Variants in SLC1A6 observed in about 807,000 individuals in gnomAD.
The protein encoded by SLC1A6 is excitatory amino acid transporter 4.
Under a neutral mutation model 42.1 loss-of-function variants are expected in SLC1A6, and 15 were observed. That is an observed-to-expected ratio of 0.36 (90% CI 0.24 to 0.55). The LOEUF is 0.55. Among genes scored for constraint, SLC1A6 ranks in the 20% least tolerant of loss-of-function variants. The probability of loss-of-function intolerance (pLI) is 0.88; values close to 1 mark genes in which losing one functional copy is unlikely to be tolerated. For missense variants in SLC1A6, 542 were observed against 772.5 expected, an observed-to-expected ratio of 0.70 and a Z score of 3.54; for synonymous variants, 317 against 319.7, an observed-to-expected ratio of 0.99 and a Z score of 0.09.
Position 14,991,163 on chromosome 19 carries a change from G to C in SLC1A6, c.7-18246C>G, listed in dbSNP as rs568190568. Among the ~76,000 whole-genome samples, 4 of 152,284 alleles carry C rather than the reference G, an allele frequency of 2.6e-5. No individual in the cohort carries two copies. In the East Asian group the frequency reaches 7.7e-4, roughly 29 times the overall value. On this transcript the variant is annotated intron_variant, in intron 1 of 8. Coordinates refer to the SLC1A6 transcript ENST00000430939. ...TATTTATATGAAATGTCCAGAATAG[G>C]CAAATCCTATCCTAGATTTGGAAAG... is the stretch of plus-strand genomic sequence containing the variant.
chr19:15,008,029 CCCA>C (rs202002604), intron 1 of SLC1A6, among the ~76,000 whole-genome samples: 10,265 of 135,906 alleles, frequency 0.076, 463 homozygotes, highest in Non-Finnish European at 0.11. Context: ...CTGCCCCCCC[CCCA>C]AAAAAAAACC....
chr19:14,973,339 G>A, intron 1 of SLC1A6: 1 of 165,996 alleles, frequency 6.0e-6, no homozygotes, highest in Non-Finnish European at 1.3e-5. Context: ...AGGATCGCTT[G>A]AGCCCAGAAG....
chr19:15,007,831 C>T (rs981996823), intron 1 of SLC1A6, among the ~76,000 whole-genome samples: 3 of 152,072 alleles, frequency 2.0e-5, no homozygotes, highest in Non-Finnish European at 2.9e-5. Context: ...TTGAGACCAG[C>T]CTGGCTAACA....
At chr19:14,985,183 A>G (rs370097518) in intron 1 of SLC1A6, among the ~76,000 whole-genome samples, 1 of 152,206 alleles carries the variant, frequency 6.6e-6, no homozygotes, top group African/African-American at 2.4e-5. Flanking sequence ...AAATTTTATC[A>G]TTGACAATAA....
chr19:14,955,086 G>C (rs950542459), intron 7 of SLC1A6, among the ~76,000 whole-genome samples: 2 of 152,026 alleles, frequency 1.3e-5, no homozygotes, highest in African/African-American at 4.8e-5. Context: ...ATCTCATTTG[G>C]GGTAAGTCTG....
intron 1 of SLC1A6, among the ~76,000 whole-genome samples, chr19:14,998,923 G>C (rs1168864280): frequency 6.6e-6 from 1 of 150,698 alleles, no homozygotes; most frequent in African/African-American, 2.4e-5. Context: ...TGTCACCCAG[G>C]CTGGAGTGCA....
rs148368814 is a variant in SLC1A6 at position 14,962,163 on chromosome 19, G to A, written c.774C>T (p.Pro258=). Reference sequence around the variant, plus strand: ...TGATGCCATTGGCGGAGCCAGGCACGGGTACAGTCTCCTCAAAGCTCAGCA... The same window carrying A: ...TGATGCCATTGGCGGAGCCAGGCACAGGTACAGTCTCCTCAAAGCTCAGCA... The part of the protein sequence containing the change: ...QEMLSFEETV[P]VPGSANGINA... Residue 258 remains proline (P), a synonymous_variant, in exon 6 of 10, where the codon CCC becomes CCT. Coordinates refer to ENST00000594383, the MANE Select transcript of SLC1A6 (RefSeq NM_005071.3). 16 of 1,614,170 alleles carry A rather than the reference G, an allele frequency of 9.9e-6. No individual in the cohort carries two copies. Among genetic ancestry groups the A allele is most frequent in the Admixed American group, 3.3e-5 (2 of 60,020 alleles).
At chr19:14,975,870 G>GAAAGGTAAGGGGAC (rs2045702726) in intron 1 of SLC1A6, among the ~76,000 whole-genome samples, 1 of 50,870 alleles carries the variant, frequency 2.0e-5, no homozygotes, top group Non-Finnish European at 3.9e-5. Context: ...GGAAGGGAAG[G>GAAAGGTAAGGGGAC]AAAGGGAAGG....
At chr19:14,981,385 C>T (rs1054013509), upstream of SLC1A6, among the ~76,000 whole-genome samples, 2 of 152,134 alleles carry the variant, frequency 1.3e-5, no homozygotes, top group Non-Finnish European at 2.9e-5. Context: ...GGGACCCAGG[C>T]ATCAGTATAT....
At chr19:14,973,222 TCCCAGCC>T in intron 1 of SLC1A6, 1 of 342,172 alleles carries the variant, frequency 2.9e-6, no homozygotes, top group Non-Finnish European at 5.3e-6. Flanking sequence ...TCTATGATCT[TCCCAGCC>T]TGAGCAAGAT....
chr19:15,010,349 T>C (rs1167459104), intron 1 of SLC1A6: 2 of 330,254 alleles, frequency 6.1e-6, no homozygotes, highest in South Asian at 2.3e-5. Flanking sequence ...GTATTCTACC[T>C]GTGGGAACAG....
intron 3 of SLC1A6, among the ~76,000 whole-genome samples, chr19:14,971,039 G>A (rs1318987352): frequency 6.6e-6 from 1 of 151,882 alleles, no homozygotes; most frequent in African/African-American, 2.4e-5. Context: ...CTGAAGTGGA[G>A]GAATTGCTTG....
At chr19:14,964,688 A>G (rs1036688545) in intron 4 of SLC1A6, among the ~76,000 whole-genome samples, 11 of 152,186 alleles carry the variant, frequency 7.2e-5, no homozygotes, top group African/African-American at 2.7e-4. Context: ...AGAGCCCTAC[A>G]TCACCTCAAG....
chr19:14,972,602 G>A (rs986225022), intron 2 of SLC1A6, 104 bp downstream of exon 2: 1 of 902,416 alleles, frequency 1.1e-6, no homozygotes, highest in South Asian at 1.6e-5. Flanking sequence ...CGTGTGTGCA[G>A]GTGAGAATGA....
chr19:14,957,171 C>T (rs1472313628), intron 6 of SLC1A6, among the ~76,000 whole-genome samples: 1 of 152,174 alleles, frequency 6.6e-6, no homozygotes, highest in East Asian at 1.9e-4. Context: ...CCTATCAGTG[C>T]CTGTTATCAC....
In SLC1A6 at chr19:14,964,830, G is replaced by A. The variant is rs569126081; in HGVS notation, c.549-469C>T. ...CCATGGCTAGCCTTGATTCTGTGTG[G>A]CAAAAATCTTGCTGCTTTAATTAAA... On this transcript the variant is annotated intron_variant, in intron 4 of 9. Transcript: ENST00000594383. Among the ~76,000 whole-genome samples, 8 of 152,172 alleles carry A rather than the reference G, an allele frequency of 5.3e-5. No homozygotes were observed. The South Asian group carries it at 1.7e-3, about 32-fold the overall frequency.
At chr19:14,975,606 T>C (rs1203047548) in intron 1 of SLC1A6, among the ~76,000 whole-genome samples, 1 of 151,500 alleles carries the variant, frequency 6.6e-6, no homozygotes, top group Non-Finnish European at 1.5e-5. Context: ...AATACAAAAA[T>C]TAGCTGGATG....
chr19:14,965,772 C>T (rs933775908), intron 4 of SLC1A6, among the ~76,000 whole-genome samples: 3 of 151,542 alleles, frequency 2.0e-5, no homozygotes, highest in Non-Finnish European at 4.4e-5. Flanking sequence ...ATCGCTTGAA[C>T]CCGAAAGGCA....
chr19:14,996,589 T>TTCTTCTTCTTCTTC (rs2045848840), intron 1 of SLC1A6, among the ~76,000 whole-genome samples: 1 of 142,168 alleles, frequency 7.0e-6, no homozygotes, highest in Non-Finnish European at 1.6e-5. Flanking sequence ...CTTCTTCCTC[T>TTCTTCTTCTTCTTC]CATTGTACCT....
Sources: allele counts gnomAD v4.1 joint callset (sites outside exome capture counted in the v4.1 genomes callset), GRCh38; gene constraint gnomAD v4.1.1; transcripts MANE v1.5; gene names NCBI Gene and HGNC (gene_info 2026-07-23, HGNC 2026-07-21).